The following AGBL1 variants were observed in gnomAD, a reference collection of about 807,000 sequenced individuals.
AGBL1 encodes the protein AGBL carboxypeptidase 1.
AGBL1 carries 130 observed loss-of-function variants against 118.9 expected under a neutral mutation model. The ratio of observed to expected loss-of-function variants is 1.09; its 90% CI spans 0.95 to 1.26. The LOEUF (loss-of-function observed/expected upper bound fraction) is 1.26. Among genes scored for constraint, AGBL1 ranks in the 50% most tolerant of loss-of-function variants. AGBL1 has a pLI of 0.00. For missense variants in AGBL1, 1,584 were observed against 1,298.1 expected, an observed-to-expected ratio of 1.22 and a Z score of -3.38; for synonymous variants, 555 against 478.9, an observed-to-expected ratio of 1.16 and a Z score of -2.08.
chr15:86,275,126 C>T (rs910027268), intron 15 of AGBL1, among the ~76,000 whole-genome samples: 2 of 152,164 alleles, frequency 1.3e-5, no homozygotes, highest in East Asian at 1.9e-4. Context: ...CAGCCACACA[C>T]CTTTTTGAAT....
At chr15:86,697,998 C>A (rs1378766392) in intron 22 of AGBL1, among the ~76,000 whole-genome samples, 1 of 151,976 alleles carries the variant, frequency 6.6e-6, no homozygotes, top group African/African-American at 2.4e-5. Flanking sequence ...TCTTAGCTTT[C>A]CTAGTATATT....
chr15:86,286,749 A>AT (rs60775713), intron 16 of AGBL1, among the ~76,000 whole-genome samples: 1 of 145,462 alleles, frequency 6.9e-6, no homozygotes, highest in Admixed American at 6.8e-5. Context: ...ATATATATAT[A>AT]AAACTCCATC....
chr15:86,873,308 A>G (rs2141510836), intron 22 of AGBL1, among the ~76,000 whole-genome samples: 1 of 152,280 alleles, frequency 6.6e-6, no homozygotes, highest in South Asian at 2.1e-4. Flanking sequence ...AATTCTCGGT[A>G]TTATATAAAG....
At chr15:86,860,048 C>A (rs972868030) in intron 22 of AGBL1, among the ~76,000 whole-genome samples, 1 of 152,094 alleles carries the variant, frequency 6.6e-6, no homozygotes, top group Admixed American at 6.6e-5. Context: ...TCAATAATGT[C>A]TTTTTGCTAT....
chr15:86,202,609 C>T (rs2077925494), intron 5 of AGBL1, among the ~76,000 whole-genome samples: 1 of 152,142 alleles, frequency 6.6e-6, no homozygotes, highest in South Asian at 2.1e-4. Context: ...AATGCTTTGT[C>T]AAACAGGGCA....
intron 15 of AGBL1, among the ~76,000 whole-genome samples, chr15:86,273,602 T>G (rs1480679980): frequency 1.3e-5 from 2 of 152,220 alleles, no homozygotes; most frequent in Non-Finnish European, 2.9e-5. Context: ...CTATCCTGAT[T>G]TTTGAGTTGA....
At chr15:86,161,485 G>C (rs569260273) in intron 5 of AGBL1, among the ~76,000 whole-genome samples, 1 of 152,328 alleles carries the variant, frequency 6.6e-6, no homozygotes, top group South Asian at 2.1e-4. Context: ...AACCCTGTCT[G>C]ATACATGAGC....
intron 23 of AGBL1, among the ~76,000 whole-genome samples, chr15:86,966,273 C>A (rs571113928): frequency 2.6e-4 from 38 of 146,104 alleles, no homozygotes; most frequent in Non-Finnish European, 5.1e-4. Flanking sequence ...TGGGATTGAA[C>A]CATTTCTTTT....
intron 22 of AGBL1, among the ~76,000 whole-genome samples, chr15:86,895,086 A>ATCTT (rs2080104836): frequency 6.8e-6 from 1 of 146,972 alleles, no homozygotes; most frequent in Non-Finnish European, 1.5e-5. Flanking sequence ...CCTTTCTTTT[A>ATCTT]TCTTCCCTCC....
chr15:86,779,819 CTT>C (rs1158536961), intron 22 of AGBL1, among the ~76,000 whole-genome samples: 1 of 151,888 alleles, frequency 6.6e-6, no homozygotes, highest in Non-Finnish European at 1.5e-5. Flanking sequence ...ATTTGAGTCT[CTT>C]CTTTTGTGAA....
chr15:86,248,223 A>G (rs1445245101), intron 7 of AGBL1, among the ~76,000 whole-genome samples: 1 of 152,170 alleles, frequency 6.6e-6, no homozygotes, highest in Non-Finnish European at 1.5e-5. Context: ...AGGCTGAGAC[A>G]GGAGAATTGC....
intron 22 of AGBL1, among the ~76,000 whole-genome samples, chr15:86,858,880 C>G (rs967686164): frequency 1.3e-5 from 2 of 152,142 alleles, no homozygotes; most frequent in Non-Finnish European, 2.9e-5. Flanking sequence ...AGGCCTTCTT[C>G]TCAGTTGTAT....
At chr15:86,535,222 G>A (rs764498766) in intron 19 of AGBL1, among the ~76,000 whole-genome samples, 13 of 152,150 alleles carry the variant, frequency 8.5e-5, no homozygotes, top group Admixed American at 1.3e-4. Context: ...CCAGAGAGGC[G>A]GCCTATAAGC....
intron 18 of AGBL1, among the ~76,000 whole-genome samples, chr15:86,482,794 C>T (rs544734582): frequency 3.3e-5 from 5 of 151,956 alleles, no homozygotes; most frequent in Non-Finnish European, 5.9e-5. Flanking sequence ...TTTTTTCAAT[C>T]ATTTTGCTTT....
chr15:86,803,894 A>G (rs2078684153), intron 22 of AGBL1, among the ~76,000 whole-genome samples: 1 of 152,136 alleles, frequency 6.6e-6, no homozygotes, highest in Non-Finnish European at 1.5e-5. Flanking sequence ...CCTACAATTC[A>G]CAGGTCAGCC....
intron 18 of AGBL1, among the ~76,000 whole-genome samples, chr15:86,484,002 A>G (rs1286188238): frequency 6.6e-6 from 1 of 152,098 alleles, no homozygotes; most frequent in African/African-American, 2.4e-5. Flanking sequence ...GGACATTTCC[A>G]ATCAGGTTAA....
intron 7 of AGBL1, 149 bp downstream of exon 7, chr15:86,248,028 T>C (rs542176212): frequency 1.1e-4 from 124 of 1,134,270 alleles, no homozygotes; most frequent in Middle Eastern, 1.0e-3. Context: ...ATTTAAGGCT[T>C]CATTCCAGGC....
intron 7 of AGBL1, among the ~76,000 whole-genome samples, chr15:86,250,525 C>CAAAAAAAAAAAAAA (rs60432449): frequency 2.6e-5 from 1 of 38,972 alleles, no homozygotes; most frequent in African/African-American, 9.6e-5. Flanking sequence ...GACTCTGTCT[C>CAAAAAAAAAAAAAA]AAAAAAAAAA....
rs146164286 is a variant in AGBL1 at position 86,696,495 on chromosome 15, C to T, written c.3158+22059C>T. 3.7e-3 allele frequency among the ~76,000 whole-genome samples: 560 copies of T among 151,444 alleles called. 5 individuals carry two copies. Among genetic ancestry groups the T allele is most frequent in the Middle Eastern group, 0.014 (4 of 294 alleles). ...GTCCTTATGTGTCAAGTGAGTCTCT[C>T]GGAGGCAGCAGATAGATAGATACTT... is the stretch of plus-strand genomic sequence containing the variant. On this transcript the variant is annotated intron_variant, in intron 22 of 22. Transcript: ENST00000614907.
Sources: gnomAD v4.1 joint callset for allele counts (sites outside exome capture counted in the v4.1 genomes callset) on GRCh38, gnomAD v4.1.1 for gene constraint, MANE v1.5 for transcripts, NCBI Gene and HGNC (gene_info 2026-07-23, HGNC 2026-07-21) for gene names.